The following CNTN4 variants were observed in gnomAD, a reference collection of about 807,000 sequenced individuals.
The protein encoded by CNTN4 is contactin 4.
CNTN4 carries 77 observed loss-of-function variants against 122.5 expected under a neutral mutation model. The observed-to-expected ratio is 0.63, with a 90% CI of 0.52 to 0.76. The LOEUF is 0.76. Ranked by LOEUF, CNTN4 falls within the 30% of genes least tolerant of loss-of-function variation. The pLI is 0.00. For synonymous variants in CNTN4, 512 were observed against 447.0 expected, an observed-to-expected ratio of 1.15 and a Z score of -1.83; for missense variants, 1,256 against 1,259.1, an observed-to-expected ratio of 1.00 and a Z score of 0.04.
chr3:2,244,728 A>G (rs2040076215), intron 2 of CNTN4, among the ~76,000 whole-genome samples: 1 of 152,072 alleles, frequency 6.6e-6, no homozygotes, highest in Admixed American at 6.6e-5. Flanking sequence ...GTCATTAAAT[A>G]AAAGGAAAGG....
Position 2,326,466 on chromosome 3 carries a change from C to G in CNTN4, c.-144-12712C>G, listed in dbSNP as rs182736489. ...TGTCAGCCTCCTTAATTGTGTGAGC[C>G]AATTCCTTCTAATAAATTTACACAC... is the stretch of plus-strand genomic sequence containing the variant. On this transcript the variant is annotated intron_variant, in intron 2 of 24. Coordinates refer to ENST00000418658, the MANE Select transcript of CNTN4 (RefSeq NM_175607.3). 1.4e-3 allele frequency among the ~76,000 whole-genome samples: 204 copies of G among 147,314 alleles called. 2 individuals are homozygous for G. Among genetic ancestry groups the G allele is most frequent in the Non-Finnish European group, 2.2e-3 (149 of 67,242 alleles).
intron 6 of CNTN4, among the ~76,000 whole-genome samples, chr3:2,766,261 T>C (rs1013976069): frequency 6.6e-6 from 1 of 152,228 alleles, no homozygotes; most frequent in African/African-American, 2.4e-5. Flanking sequence ...AGTCTACCTT[T>C]TGCTTTGTCA....
At chr3:2,869,969 T>A (rs759010455) in intron 8 of CNTN4, among the ~76,000 whole-genome samples, 2 of 152,204 alleles carry the variant, frequency 1.3e-5, no homozygotes, top group East Asian at 3.8e-4. Flanking sequence ...ATACAGCCCC[T>A]GTGGCTTCTA....
chr3:3,034,867 A>G, intron 17 of CNTN4, 77 bp downstream of exon 17: 1 of 1,466,738 alleles, frequency 6.8e-7, no homozygotes, highest in East Asian at 2.3e-5. Flanking sequence ...AGGAACGTCT[A>G]AGTTCTCATT....
intron 24 of CNTN4, among the ~76,000 whole-genome samples, chr3:3,054,455 G>C (rs1387324940): frequency 1.3e-5 from 2 of 152,190 alleles, no homozygotes; most frequent in African/African-American, 4.8e-5. Flanking sequence ...GCATCAATGT[G>C]TATGTCTCTC....
chr3:3,056,221 C>A lies in CNTN4; in HGVS notation c.*1C>A, dbSNP rs770391980. On this transcript the variant is annotated 3_prime_UTR_variant, in exon 25 of 25. Coordinates refer to ENST00000418658, the MANE Select transcript of CNTN4 (RefSeq NM_175607.3). ...CCTCACAGCTAGGTCCAGTTTATGACAAAAGTTATCTGAAGGACTTGCTGT... is the reference window on the plus strand; with the variant it reads ...CCTCACAGCTAGGTCCAGTTTATGAAAAAAGTTATCTGAAGGACTTGCTGT... The A allele has an allele frequency of 1.2e-6, 2 of 1,608,378 alleles. No individual in the cohort carries two copies. The highest frequency in any genetic ancestry group is 8.5e-7 in the Non-Finnish European group (1 of 1,174,814).
chr3:3,008,569 G>A (rs1051047042), intron 14 of CNTN4, among the ~76,000 whole-genome samples: 2 of 152,066 alleles, frequency 1.3e-5, no homozygotes, highest in Admixed American at 1.3e-4. Context: ...TCACTACTTC[G>A]TCTCTAAGCT....
At position 2,898,013 on chromosome 3, in the gene CNTN4, A is replaced by AC. The variant is rs200291605; in HGVS notation, c.941-2664dup. The stretch of plus-strand genomic sequence containing the variant: ...TTATCTAAGGACTTTGAACTAGGTA[A>AC]CCCCCCCCAAATATGGAGATACATG... On this transcript the variant is annotated intron_variant, in intron 10 of 24. Transcript: ENST00000418658. Among the ~76,000 whole-genome samples the AC allele has an allele frequency of 5.1e-3, 753 of 146,506 alleles. 4 individuals carry two copies. Among genetic ancestry groups the AC allele is most frequent in the African/African-American group, 0.017 (684 of 39,720 alleles).
intron 12 of CNTN4, among the ~76,000 whole-genome samples, chr3:2,920,803 T>C (rs1487426903): frequency 1.2e-5 from 1 of 86,700 alleles, no homozygotes; most frequent in African/African-American, 3.9e-5. Context: ...TAAAATTCTT[T>C]TGTTTCATAA....
chr3:2,720,750 C>G (rs1263701681), intron 4 of CNTN4, among the ~76,000 whole-genome samples: 2 of 152,132 alleles, frequency 1.3e-5, no homozygotes, highest in East Asian at 1.9e-4. Flanking sequence ...TGTTTACATA[C>G]TTGTGTAAGA....
At chr3:2,324,398 T>C (rs1318581839) in intron 2 of CNTN4, among the ~76,000 whole-genome samples, 1 of 152,208 alleles carries the variant, frequency 6.6e-6, no homozygotes, top group African/African-American at 2.4e-5. Flanking sequence ...GTATGAAGTT[T>C]ATGAGTTATA....
rs562988376 is a variant in CNTN4, at chr3:3,022,005, G to C, written c.1487-4097G>C. Among the ~76,000 whole-genome samples, 10 of 149,434 alleles carry C rather than the reference G, an allele frequency of 6.7e-5. No individual in the cohort carries two copies. In the South Asian group the frequency reaches 2.1e-3, roughly 31 times the overall value. ...TTTGGGAGGCTGAGGCAGGCAGATT[G>C]CCTGAACTCAGGAGCTCGAGACCAG... is the stretch of plus-strand genomic sequence containing the variant. On this transcript the variant is annotated intron_variant, in intron 14 of 24. Coordinates refer to ENST00000418658, the MANE Select transcript of CNTN4 (RefSeq NM_175607.3).
intron 2 of CNTN4, among the ~76,000 whole-genome samples, chr3:2,170,226 G>A (rs4475022): frequency 0.26 from 39,766 of 150,548 alleles, 5,514 homozygotes; most frequent in East Asian, 0.4. Context: ...AGGCTGAGGC[G>A]GGAGAATGGC....
At position 3,057,404 on chromosome 3, in the gene CNTN4, T is replaced by A. The variant is rs1188972218; in HGVS notation, c.*1184T>A. The A allele has an allele frequency of 6.6e-6, 1 of 152,670 alleles. No homozygotes were observed. Among genetic ancestry groups the A allele is most frequent in the Non-Finnish European group, 1.5e-5 (1 of 68,044 alleles). The allele number at this position is 152,670 out of a possible 1,614,324, so 9.5% of individuals were successfully genotyped here. On this transcript the variant is annotated 3_prime_UTR_variant, in exon 25 of 25. Transcript: ENST00000418658. ...GCCTAGTTGCTTTATATGCTTTACC[T>A]TCTAGGTCTTAAAATCACACATTGG...
Position 3,026,118 on chromosome 3 carries a change from G to A in CNTN4, c.1503G>A (p.Met501Ile), listed in dbSNP as rs139542722. 2 of 1,613,224 alleles carry A rather than the reference G, an allele frequency of 1.2e-6. No homozygotes were observed. Among genetic ancestry groups the A allele is most frequent in the Non-Finnish European group, 1.7e-6 (2 of 1,179,380 alleles). The change falls in exon 15 of 25, where the codon ATG becomes ATA. Residue 501 changes from methionine to isoleucine, a missense_variant. Transcript: ENST00000418658. ...NLVVKDPTRV[M>I]VPPSSMDVTV... ...ACTCTCCAGATCCAACAAGGGTAAT[G>A]GTACCCCCTTCCAGTATGGATGTCA...
chr3:2,288,122 C>A (rs905265711), intron 2 of CNTN4, among the ~76,000 whole-genome samples: 1 of 152,004 alleles, frequency 6.6e-6, no homozygotes, highest in African/African-American at 2.4e-5. Context: ...ATCTGAAATG[C>A]ATTTGAAAGG....
intron 4 of CNTN4, among the ~76,000 whole-genome samples, chr3:2,719,624 A>C (rs907619848): frequency 6.6e-6 from 1 of 152,090 alleles, no homozygotes; most frequent in African/African-American, 2.4e-5. Flanking sequence ...GGGTTTCACC[A>C]TGTTGGCCAG....
intron 2 of CNTN4, among the ~76,000 whole-genome samples, chr3:2,249,893 C>A (rs1423857293): frequency 1.3e-5 from 2 of 151,702 alleles, no homozygotes; most frequent in African/African-American, 4.8e-5. Context: ...AGATTTTTTT[C>A]AAGATCCCTA....
At chr3:2,977,728 C>T (rs1199091259) in intron 13 of CNTN4, among the ~76,000 whole-genome samples, 2 of 152,098 alleles carry the variant, frequency 1.3e-5, no homozygotes, top group Non-Finnish European at 1.5e-5. Flanking sequence ...CTCTTGATAC[C>T]CGTTATGGGT....
Sources: allele counts gnomAD v4.1 joint callset (sites outside exome capture counted in the v4.1 genomes callset), GRCh38; gene constraint gnomAD v4.1.1; transcripts MANE v1.5; gene names NCBI Gene and HGNC (gene_info 2026-07-23, HGNC 2026-07-21).